Variants in DNAH12 observed in about 807,000 individuals in gnomAD.
DNAH12 encodes the protein dynein axonemal heavy chain 12, also known as axonemal beta dynein heavy chain 12.
Under a neutral mutation model 371.5 loss-of-function variants are expected in DNAH12, and 285 were observed. That is an observed-to-expected ratio of 0.77 (90% CI 0.70 to 0.85). The LOEUF (loss-of-function observed/expected upper bound fraction) is 0.85. Ranked by LOEUF, DNAH12 falls within the 40% of genes least tolerant of loss-of-function variation. The pLI, the probability that DNAH12 is intolerant of heterozygous loss-of-function variation, is 0.00. For missense variants in DNAH12, 3,611 were observed against 3,689.4 expected (o/e 0.98, Z 0.55); for synonymous variants, 1,200 against 1,213.0 (o/e 0.99, Z 0.22).
At chr3:57,322,236 A>C in intron 65 of DNAH12, 107 bp downstream of exon 65, 1 of 1,236,848 alleles carries the variant, frequency 8.1e-7, no homozygotes, top group Non-Finnish European at 1.1e-6. Context: ...TAAAGTTTTA[A>C]AAACATTAAA....
intron 65 of DNAH12, among the ~76,000 whole-genome samples, chr3:57,320,991 A>G (rs577706192): frequency 6.6e-6 from 1 of 152,154 alleles, no homozygotes; most frequent in Non-Finnish European, 1.5e-5. Context: ...CCCAATACTT[A>G]CGGTGCCAGC....
Position 57,376,991 on chromosome 3 carries a change from C to G in DNAH12, c.8455G>C (p.Glu2819Gln), listed in dbSNP as rs2063294529. 2 of 152,142 alleles carry G rather than the reference C, an allele frequency of 1.3e-5. No individual in the cohort carries two copies. Among genetic ancestry groups the G allele is most frequent in the African/African-American group, 4.8e-5 (2 of 41,436 alleles). The allele number at this position is 152,142 out of a possible 1,614,324, so 9.4% of individuals were successfully genotyped here. ...AAATAGAAATCTGACCTTGATTTTT[C>G]TCCACCCAGTCCTCCAATTAATTGT... ...ASQLIGGLGG[E>Q]KSRWAQAADD... The change falls in exon 53 of 74, where the codon GAA becomes CAA. Residue 2819 changes from glutamate (E) to glutamine (Q), a missense_variant. Physicochemically the swap from Glu to Gln is conservative, Grantham distance 29. This residue lies in a region of DNAH12 where 2,266 missense variants were observed against 2,236.9 expected (regional missense o/e 1.01). Transcript: ENST00000495027.
At position 57,394,783 on chromosome 3, in the gene DNAH12, A is replaced by G. The variant is rs913104672; in HGVS notation, c.6949-451T>C. Reference sequence around the variant, plus strand: ...GACAGAAAGAGTAATTACTAAGGAAATAATTTAAGACCCCAAATTCAGCTA... The same window carrying G: ...GACAGAAAGAGTAATTACTAAGGAAGTAATTTAAGACCCCAAATTCAGCTA... On this transcript the variant is annotated intron_variant, in intron 43 of 73. Coordinates refer to ENST00000495027, the MANE Select transcript of DNAH12 (RefSeq NM_001366028.2). Among the ~76,000 whole-genome samples, 607 of 152,326 alleles carry G rather than the reference A, an allele frequency of 4.0e-3. 1 individual carries two copies. Among genetic ancestry groups the G allele is most frequent in the Non-Finnish European group, 6.4e-3 (437 of 68,028 alleles).
chr3:57,513,159 C>T (rs2068060575), intron 4 of DNAH12, among the ~76,000 whole-genome samples: 1 of 151,136 alleles, frequency 6.6e-6, no homozygotes, highest in African/African-American at 2.4e-5. Flanking sequence ...AAATGTGGTA[C>T]ATATACACCA....
At chr3:57,386,103 A>G (rs1575530017) in intron 47 of DNAH12, among the ~76,000 whole-genome samples, 1 of 152,258 alleles carries the variant, frequency 6.6e-6, no homozygotes, top group South Asian at 2.1e-4. Context: ...AAAACCACAA[A>G]TCTTATATTT....
intron 8 of DNAH12, among the ~76,000 whole-genome samples, chr3:57,506,131 A>C (rs1475060944): frequency 1.3e-5 from 2 of 152,170 alleles, no homozygotes; most frequent in Non-Finnish European, 2.9e-5. Flanking sequence ...TGTCCCTGGT[A>C]CAGAAAATGT....
In DNAH12 at chr3:57,354,324, T is replaced by C. The variant is rs888912949; in HGVS notation, c.9534-2099A>G. On this transcript the variant is annotated intron_variant, in intron 59 of 73. Transcript: ENST00000495027. ...CACATGGACACAAGGAAGGGAACAA[T>C]AGACACTGAGGCCTACTCAAAGGTG... 2.3e-3 allele frequency among the ~76,000 whole-genome samples: 344 copies of C among 152,122 alleles called. 1 individual carries two copies. Among genetic ancestry groups the C allele is most frequent in the African/African-American group, 7.4e-3 (308 of 41,520 alleles).
intron 52 of DNAH12, among the ~76,000 whole-genome samples, chr3:57,378,707 A>C (rs1039989150): frequency 6.6e-6 from 1 of 152,276 alleles, no homozygotes; most frequent in African/African-American, 2.4e-5. Flanking sequence ...TATTCCATAA[A>C]AGGTTCTATG....
chr3:57,440,268 G>A (rs1458270428), intron 29 of DNAH12, among the ~76,000 whole-genome samples: 1 of 152,178 alleles, frequency 6.6e-6, no homozygotes, highest in African/African-American at 2.4e-5. Context: ...CAAAGACATG[G>A]AATCAACCTA....
At chr3:57,323,321 A>G (rs1241924116) in intron 63 of DNAH12, 61 bp from the exon 64 acceptor site, 15 of 1,509,794 alleles carry the variant, frequency 9.9e-6, no homozygotes, top group Admixed American at 2.3e-5. Flanking sequence ...AAAGTGCCTT[A>G]TGTATAGGTG....
At chr3:57,494,561 A>G (rs760524577) in intron 11 of DNAH12, among the ~76,000 whole-genome samples, 26 of 151,712 alleles carry the variant, frequency 1.7e-4, no homozygotes, top group Non-Finnish European at 3.5e-4. Flanking sequence ...GACCCTGTCT[A>G]AAACAAAACA....
At chr3:57,333,449 A>G (rs1010832918) in intron 62 of DNAH12, among the ~76,000 whole-genome samples, 4 of 148,902 alleles carry the variant, frequency 2.7e-5, no homozygotes, top group African/African-American at 2.5e-5. Context: ...TCCTTCCTCA[A>G]CCTCCTGAAT....
intron 55 of DNAH12, among the ~76,000 whole-genome samples, chr3:57,371,403 A>C (rs1202074436): frequency 6.6e-6 from 1 of 152,158 alleles, no homozygotes; most frequent in East Asian, 1.9e-4. Flanking sequence ...ATGGTAAATT[A>C]CTTTAAAAAT....
At chr3:57,547,299 G>A (rs1360623077), upstream of DNAH12, among the ~76,000 whole-genome samples, 2 of 151,386 alleles carry the variant, frequency 1.3e-5, no homozygotes, top group Middle Eastern at 3.4e-3. Flanking sequence ...CTGATACAAT[G>A]TACGTCCTTT....
intron 2 of DNAH12, among the ~76,000 whole-genome samples, chr3:57,526,393 T>G (rs754587620): frequency 6.6e-6 from 1 of 152,142 alleles, no homozygotes; most frequent in African/African-American, 2.4e-5. Flanking sequence ...TCCATTCATC[T>G]GGGTTTTTTG....
intron 5 of DNAH12, among the ~76,000 whole-genome samples, chr3:57,509,543 T>C (rs773077323): frequency 1.3e-5 from 2 of 151,856 alleles, no homozygotes; most frequent in Non-Finnish European, 2.9e-5. Context: ...TTCAGTTAGA[T>C]AGGAGGGAAC....
intron 29 of DNAH12, among the ~76,000 whole-genome samples, chr3:57,440,678 T>C (rs1410269407): frequency 6.6e-6 from 1 of 152,124 alleles, no homozygotes; most frequent in African/African-American, 2.4e-5. Flanking sequence ...AATCTAAAAG[T>C]TGAAATTCCT....
intron 62 of DNAH12, among the ~76,000 whole-genome samples, chr3:57,324,243 A>G (rs780490720): frequency 3.9e-5 from 6 of 152,138 alleles, no homozygotes; most frequent in Admixed American, 6.5e-5. Flanking sequence ...AGAGAGAGAA[A>G]TTAACTTCTA....
rs1022328331 is a variant in DNAH12 at position 57,368,600 on chromosome 3, C to T, written c.8760-340G>A. Among the ~76,000 whole-genome samples, 11 of 152,128 alleles carry T rather than the reference C, an allele frequency of 7.2e-5. No homozygotes were observed. In the East Asian group the frequency reaches 7.7e-4, roughly 11 times the overall value. On this transcript the variant is annotated intron_variant, in intron 55 of 73. Coordinates refer to ENST00000495027, the MANE Select transcript of DNAH12 (RefSeq NM_001366028.2). ...CTGTCTTCATGGTAACTTTAATACACGACATCTGTTAACATAATATGAAAA... is the reference window on the plus strand; with the variant it reads ...CTGTCTTCATGGTAACTTTAATACATGACATCTGTTAACATAATATGAAAA...
Sources: gnomAD v4.1 joint callset for allele counts (sites outside exome capture counted in the v4.1 genomes callset) on GRCh38, gnomAD v4.1.1 for gene constraint, gnomAD v4.1.1 regional missense constraint, MANE v1.5 for transcripts, NCBI Gene and HGNC (gene_info 2026-07-23, HGNC 2026-07-21) for gene names.